COG5: variants seen among roughly 807,000 people sequenced by gnomAD.
The protein encoded by COG5 is conserved oligomeric Golgi complex subunit 5.
COG5 carries 86 observed loss-of-function variants against 110.4 expected under a neutral mutation model. The observed-to-expected ratio is 0.78, with a 90% CI of 0.65 to 0.93. The LOEUF (loss-of-function observed/expected upper bound fraction) is 0.93, where lower values mean the gene tolerates loss of function less well. Ranked by LOEUF, COG5 falls within the 40% of genes least tolerant of loss-of-function variation. COG5 has a pLI of 0.00. For synonymous variants in COG5, 360 were observed against 334.6 expected, an observed-to-expected ratio of 1.08 and a Z score of -0.83; for missense variants, 1,077 against 987.0, an observed-to-expected ratio of 1.09 and a Z score of -1.22.
chr7:107,209,423 G>A (rs904586922), intron 21 of COG5: 1 of 190,798 alleles, frequency 5.2e-6, no homozygotes, highest in African/African-American at 2.4e-5. Flanking sequence ...ATTTCTGTGG[G>A]TGGTGACATA....
At chr7:107,235,573 C>A (rs527299549) in intron 18 of COG5, among the ~76,000 whole-genome samples, 1 of 152,106 alleles carries the variant, frequency 6.6e-6, no homozygotes, top group African/African-American at 2.4e-5. Flanking sequence ...CGTGGTGGCG[C>A]GTGCCTGTAG....
chr7:107,236,641 T>A lies in COG5; in HGVS notation c.1900A>T (p.Met634Leu), dbSNP rs746657630. Residue 634 changes from methionine to leucine, a missense_variant, in exon 18 of 22, where the codon ATG (methionine) becomes TTG (leucine). Transcript: ENST00000297135. Reference protein sequence around the residue: ...GKPDVPCSLYMKELQGFIARV... With the variant: ...GKPDVPCSLYLKELQGFIARV... ...GCAATGAAACCTTGTAGCTCCTTCA[T>A]GTACAGAGAACAAGGAACATCAGGT... The A allele has an allele frequency of 3.7e-6, 6 of 1,614,140 alleles. No individual in the cohort carries two copies. Among genetic ancestry groups the A allele is most frequent in the Non-Finnish European group, 5.1e-6 (6 of 1,180,016 alleles).
At position 107,256,592 on chromosome 7, in the gene COG5, C is replaced by T. The variant is rs17428126; in HGVS notation, c.1749+140G>A. On this transcript the variant is annotated intron_variant, in intron 16 of 21. Transcript: ENST00000297135. ...CATAAACACACTTGTTATCTATTCT[C>T]TTTAGGATAATTATCAACATGCTAC... 120,142 of 656,564 alleles carry T rather than the reference C, an allele frequency of 0.18. 11,953 individuals are homozygous for T. The highest frequency in any genetic ancestry group is 0.21 in the Non-Finnish European group (77,474 of 368,134). 40.7% of individuals were successfully genotyped at this position (656,564 alleles called of 1,614,324 possible).
intron 10 of COG5, among the ~76,000 whole-genome samples, 173 bp downstream of exon 10, chr7:107,361,860 C>T (rs1333539087): frequency 6.6e-6 from 1 of 152,104 alleles, no homozygotes; most frequent in Non-Finnish European, 1.5e-5. Flanking sequence ...ACGCCCAGCC[C>T]CATGATTACA....
chr7:107,527,498 G>C, intron 5 of COG5, 141 bp from the exon 6 acceptor site: 1 of 840,066 alleles, frequency 1.2e-6, no homozygotes, highest in South Asian at 1.5e-5. Flanking sequence ...ACCTGCACAT[G>C]TATCCCGGAA....
At chr7:107,350,488 C>A (rs1266704550) in intron 10 of COG5, among the ~76,000 whole-genome samples, 2 of 152,116 alleles carry the variant, frequency 1.3e-5, no homozygotes, top group Non-Finnish European at 2.9e-5. Flanking sequence ...ACCTTAGATT[C>A]TTTATCAGAT....
intron 6 of COG5, among the ~76,000 whole-genome samples, chr7:107,509,967 A>G (rs894837016): frequency 1.3e-5 from 2 of 152,306 alleles, no homozygotes; most frequent in African/African-American, 4.8e-5. Flanking sequence ...AAAGACCATC[A>G]AGGCTAGGAA....
At chr7:107,448,135 G>A (rs187732388) in intron 6 of COG5, among the ~76,000 whole-genome samples, 37 of 152,180 alleles carry the variant, frequency 2.4e-4, no homozygotes, top group Non-Finnish European at 3.2e-4. Context: ...CAGCCTGGAC[G>A]ACAGAGTAAG....
intron 16 of COG5, among the ~76,000 whole-genome samples, chr7:107,251,818 C>A: frequency 6.6e-6 from 1 of 151,518 alleles, no homozygotes; most frequent in Admixed American, 6.6e-5. Context: ...ACTCACAAAT[C>A]CAAAGATAAA....
chr7:107,351,817 G>C (rs1225025674), intron 10 of COG5, among the ~76,000 whole-genome samples: 1 of 149,904 alleles, frequency 6.7e-6, no homozygotes, highest in Non-Finnish European at 1.5e-5. Context: ...AACAACAGGT[G>C]CTGGAGAGGA....
rs774700875 is a variant in COG5 at position 107,412,580 on chromosome 7, A to T, written c.591T>A (p.Asp197Glu). Residue 197 changes from aspartate (D) to glutamate (E), a missense_variant, in exon 7 of 22, where the codon GAT becomes GAA. Transcript: ENST00000297135. ...DLSGIEVIEN[D>E]LLFIARARLE... ...GTCGGGCTCTTGCAATAAAAAGTAG[A>T]TCATTTTCTATCACTTCTATTCCAG... 15 of 1,594,414 alleles carry T rather than the reference A, an allele frequency of 9.4e-6. No individual in the cohort carries two copies. The highest frequency in any genetic ancestry group is 1.3e-5 in the Non-Finnish European group (15 of 1,162,774).
intron 7 of COG5, among the ~76,000 whole-genome samples, chr7:107,389,629 G>A (rs1207660362): frequency 1.3e-5 from 2 of 152,176 alleles, no homozygotes; most frequent in African/African-American, 4.8e-5. Context: ...CCTCCAGTGA[G>A]GCAACTATAA....
intron 19 of COG5, among the ~76,000 whole-genome samples, chr7:107,224,034 A>G (rs947348982): frequency 2.0e-5 from 3 of 152,258 alleles, no homozygotes; most frequent in Non-Finnish European, 4.4e-5. Flanking sequence ...AGCAAAGAGC[A>G]ACAAAACAAC....
intron 6 of COG5, among the ~76,000 whole-genome samples, chr7:107,504,706 T>A (rs1054363039): frequency 6.6e-6 from 1 of 152,194 alleles, no homozygotes; most frequent in Admixed American, 6.5e-5. Flanking sequence ...AGGGTTTCTA[T>A]TTCTTCCGGA....
rs779868604 is a variant in COG5, at chr7:107,563,899, T to G, written c.-3A>C. ...ACGCTGCCGCCGCCACCTTCCATGT[T>G]GGCAGGTGCCGGGTTGATGTCGTCA... is the stretch of plus-strand genomic sequence containing the variant. On this transcript the variant is annotated 5_prime_UTR_variant, in exon 1 of 22. Transcript: ENST00000297135. 3.1e-6 allele frequency: 5 copies of G among 1,613,588 alleles called. No homozygotes were observed. In the African/African-American group the frequency reaches 6.7e-5, roughly 22 times the overall value.
chr7:107,290,722 G>A (rs763359631), intron 12 of COG5, among the ~76,000 whole-genome samples: 1 of 152,088 alleles, frequency 6.6e-6, no homozygotes, highest in Non-Finnish European at 1.5e-5. Flanking sequence ...TGAGCAATCT[G>A]AGCCCACTAC....
In COG5 at chr7:107,362,127, G is replaced by A. The variant is rs573722041; in HGVS notation, c.949-17C>T. On this transcript the variant is annotated splice_polypyrimidine_tract_variant and intron_variant, in intron 9 of 21. Coordinates refer to ENST00000297135, the MANE Select transcript of COG5 (RefSeq NM_006348.5). ...ATGTTGTACCTTAAATGAAACAAAT[G>A]TAAAGCTTAGGCAATAGAAAAAGCA... 43 of 1,579,042 alleles carry A rather than the reference G, an allele frequency of 2.7e-5. No homozygotes were observed. The highest frequency in any genetic ancestry group is 3.6e-5 in the Non-Finnish European group (41 of 1,151,626).
Position 107,296,127 on chromosome 7 carries a change from C to T in COG5, c.1313+2015G>A, listed in dbSNP as rs978949207. Among the ~76,000 whole-genome samples, 3 of 150,930 alleles carry T rather than the reference C, an allele frequency of 2.0e-5. No homozygotes were observed. The Admixed American group carries it at 2.0e-4, about 10-fold the overall frequency. On this transcript the variant is annotated intron_variant, in intron 12 of 21. Transcript: ENST00000297135. ...CTTCCTCACACAGTGACCTACCTTC[C>T]TTCCTTCCTTCCTTCTTTCCCTCCC...
At chr7:107,505,413 C>G (rs980060361) in intron 6 of COG5, among the ~76,000 whole-genome samples, 1 of 152,154 alleles carries the variant, frequency 6.6e-6, no homozygotes, top group African/African-American at 2.4e-5. Flanking sequence ...GTTGATGTTT[C>G]AAGTGGAGAG....
Sources: gnomAD v4.1 joint callset for allele counts (sites outside exome capture counted in the v4.1 genomes callset) on GRCh38, gnomAD v4.1.1 for gene constraint, MANE v1.5 for transcripts, NCBI Gene and HGNC (gene_info 2026-07-23, HGNC 2026-07-21) for gene names.